Variants in MACROD2 observed in about 807,000 individuals in gnomAD.
MACROD2 encodes ADP-ribose glycohydrolase MACROD2.
Under a neutral mutation model 70.4 loss-of-function variants are expected in MACROD2, and 36 were observed. The observed-to-expected ratio is 0.51, with a 90% CI of 0.39 to 0.68. The LOEUF (loss-of-function observed/expected upper bound fraction) is 0.68. Ranked by LOEUF, MACROD2 falls within the 30% of genes least tolerant of loss-of-function variation. The pLI, the probability that MACROD2 is intolerant of heterozygous loss-of-function variation, is 0.00. For synonymous variants in MACROD2, 172 were observed against 178.8 expected (o/e 0.96, Z 0.30); for missense variants, 496 against 538.4 (o/e 0.92, Z 0.78).
chr20:14,887,711 A>G (rs747561838), intron 5 of MACROD2, among the ~76,000 whole-genome samples: 3 of 152,110 alleles, frequency 2.0e-5, no homozygotes, highest in Non-Finnish European at 4.4e-5. Context: ...CTTGAAAAAT[A>G]GCAGAAACAA....
At chr20:15,761,712 C>T (rs565670492) in intron 8 of MACROD2, among the ~76,000 whole-genome samples, 4 of 152,306 alleles carry the variant, frequency 2.6e-5, no homozygotes, top group South Asian at 2.1e-4. Context: ...AAAGCTAGAG[C>T]GCTTTTCCCC....
At chr20:15,689,353 T>C (rs1290524957) in intron 8 of MACROD2, among the ~76,000 whole-genome samples, 1 of 151,768 alleles carries the variant, frequency 6.6e-6, no homozygotes, top group Admixed American at 6.6e-5. Context: ...CCTTAGCTTT[T>C]AGAGTGTGGA....
chr20:15,572,680 G>C (rs1308953664), intron 8 of MACROD2, among the ~76,000 whole-genome samples: 1 of 152,010 alleles, frequency 6.6e-6, no homozygotes, highest in African/African-American at 2.4e-5. Flanking sequence ...TTTAAAATAA[G>C]TATTTCGCAT....
intron 9 of MACROD2, among the ~76,000 whole-genome samples, chr20:15,874,521 A>G (rs943054692): frequency 7.9e-5 from 12 of 151,944 alleles, no homozygotes; most frequent in African/African-American, 2.9e-4. Flanking sequence ...ACTAATTTAC[A>G]CTCCCACCAA....
intron 8 of MACROD2, among the ~76,000 whole-genome samples, chr20:15,616,762 A>G (rs2049045037): frequency 6.6e-6 from 1 of 152,188 alleles, no homozygotes; most frequent in Admixed American, 6.5e-5. Flanking sequence ...ACTAGTGTTG[A>G]TAGGCCCATA....
At chr20:14,887,405 T>G (rs886108991) in intron 5 of MACROD2, among the ~76,000 whole-genome samples, 2 of 75,402 alleles carry the variant, frequency 2.7e-5, no homozygotes, top group Non-Finnish European at 6.3e-5. Context: ...TTTTGTTTTT[T>G]TTTTTTTTTG....
intron 8 of MACROD2, among the ~76,000 whole-genome samples, chr20:15,629,588 A>G (rs2049258419): frequency 6.6e-6 from 1 of 152,234 alleles, no homozygotes; most frequent in African/African-American, 2.4e-5. Context: ...GCCAAATAAC[A>G]TTCACTTGCC....
chr20:14,574,639 A>G (rs556441555), intron 4 of MACROD2, among the ~76,000 whole-genome samples: 3 of 151,342 alleles, frequency 2.0e-5, no homozygotes, highest in Admixed American at 1.3e-4. Flanking sequence ...AATTACATAT[A>G]TAAATTATAA....
intron 8 of MACROD2, among the ~76,000 whole-genome samples, chr20:15,856,839 A>C (rs558672030): frequency 3.5e-4 from 54 of 152,342 alleles, no homozygotes; most frequent in African/African-American, 1.3e-3. Flanking sequence ...TTAAATATAC[A>C]AAGTTGCTTT....
chr20:14,588,742 G>A (rs1228810792), intron 4 of MACROD2, among the ~76,000 whole-genome samples: 1 of 152,118 alleles, frequency 6.6e-6, no homozygotes. Flanking sequence ...GATTACAGGT[G>A]TGAGCCACCA....
chr20:14,118,296 G>A (rs1337382118), intron 3 of MACROD2, among the ~76,000 whole-genome samples: 1 of 152,146 alleles, frequency 6.6e-6, no homozygotes, highest in Non-Finnish European at 1.5e-5. Context: ...AAGTTTAGAA[G>A]GCATTAAACA....
chr20:14,969,361 TACACACAC>T (rs3045701), intron 5 of MACROD2, among the ~76,000 whole-genome samples: 2,284 of 138,120 alleles, frequency 0.017, 56 homozygotes, highest in African/African-American at 0.057. Flanking sequence ...TAAATGCTTT[TACACACAC>T]ACACACACAC....
chr20:15,988,326 G>A (rs1190616253), intron 15 of MACROD2, among the ~76,000 whole-genome samples: 2 of 152,118 alleles, frequency 1.3e-5, no homozygotes, highest in Non-Finnish European at 2.9e-5. Context: ...CTCAGAATCA[G>A]ATATATGGTA....
chr20:14,910,105 A>C (rs933433012), intron 5 of MACROD2, among the ~76,000 whole-genome samples: 1 of 152,198 alleles, frequency 6.6e-6, no homozygotes, highest in Non-Finnish European at 1.5e-5. Flanking sequence ...AGAATGTTTG[A>C]ACTGGAAGGG....
chr20:15,218,915 G>A (rs922101504), intron 5 of MACROD2, among the ~76,000 whole-genome samples: 1 of 152,074 alleles, frequency 6.6e-6, no homozygotes, highest in Admixed American at 6.5e-5. Context: ...GCGTGGCGGC[G>A]TGTGCCTGTA....
At position 14,941,949 on chromosome 20, in the gene MACROD2, ATT is replaced by A. The variant is rs11479452; in HGVS notation, c.418+257003_418+257004del. Reference sequence around the variant, plus strand: ...CTGACGTGTGCCACCATGCCCGGCTATTTTTTTTTTTTTTCTTTTTAGTATTT... The same window carrying A: ...CTGACGTGTGCCACCATGCCCGGCTATTTTTTTTTTTTCTTTTTAGTATTT... On this transcript the variant is annotated intron_variant, in intron 5 of 17. Coordinates refer to ENST00000684519, the MANE Select transcript of MACROD2 (RefSeq NM_001351661.2). 3.7e-4 allele frequency among the ~76,000 whole-genome samples: 51 copies of A among 139,588 alleles called. 1 individual carries two copies. Among genetic ancestry groups the A allele is most frequent in the Middle Eastern group, 3.8e-3 (1 of 260 alleles). The allele number at this position is 139,588 out of a possible 152,430, so 91.6% of individuals were successfully genotyped here.
chr20:15,593,717 C>G (rs1408262327), intron 8 of MACROD2, among the ~76,000 whole-genome samples: 1 of 152,196 alleles, frequency 6.6e-6, no homozygotes, highest in Non-Finnish European at 1.5e-5. Context: ...TTGCTTTCAT[C>G]TGAATAGCTG....
chr20:14,550,906 G>A (rs1049811675), intron 4 of MACROD2, among the ~76,000 whole-genome samples: 6 of 150,546 alleles, frequency 4.0e-5, no homozygotes, highest in Non-Finnish European at 7.4e-5. Context: ...GAGGCCTAAT[G>A]ATGCTCTGCT....
intron 8 of MACROD2, among the ~76,000 whole-genome samples, chr20:15,509,538 G>T (rs751868438): frequency 9.9e-5 from 15 of 152,174 alleles, no homozygotes; most frequent in Non-Finnish European, 2.1e-4. Context: ...TGGCTTAGAA[G>T]TTCCAAGCCT....
Sources: allele counts gnomAD v4.1 joint callset (sites outside exome capture counted in the v4.1 genomes callset), GRCh38; gene constraint gnomAD v4.1.1; transcripts MANE v1.5; gene names NCBI Gene and HGNC (gene_info 2026-07-23, HGNC 2026-07-21).